Variants in XKR9 observed in about 807,000 individuals in gnomAD.
The protein encoded by XKR9 is XK-related protein 9.
A neutral mutation model predicts 32.0 loss-of-function variants in XKR9; 32 were observed. The ratio of observed to expected loss-of-function variants is 1.00; its 90% CI spans 0.76 to 1.34. XKR9 has a LOEUF of 1.34. Ranked by LOEUF, XKR9 falls within the 40% of genes most tolerant of loss-of-function variation. XKR9 has a pLI of 0.00. For synonymous variants in XKR9, 168 were observed against 143.4 expected, an observed-to-expected ratio of 1.17 and a Z score of -1.22; for missense variants, 546 against 429.7, an observed-to-expected ratio of 1.27 and a Z score of -2.39.
the XKR9 span, among the ~76,000 whole-genome samples, chr8:70,828,730 G>GAAAAAAAAAAAAAAAAAAAAAAA: frequency 3.3e-5 from 4 of 119,526 alleles, no homozygotes; most frequent in South Asian, 3.0e-4. Flanking sequence ...CAAAAAAAAA[G>GAAAAAAAAAAAAAAAAAAAAAAA]AAAAAAAAAA....
the XKR9 span, among the ~76,000 whole-genome samples, chr8:70,906,080 AC>A: frequency 6.6e-6 from 1 of 152,150 alleles, no homozygotes; most frequent in South Asian, 2.1e-4. Flanking sequence ...GGGGTCAGGG[AC>A]CCACTTGAGA....
chr8:70,777,345 C>G (rs1469938113), intron 2 of XKR9, among the ~76,000 whole-genome samples: 1 of 152,084 alleles, frequency 6.6e-6, no homozygotes, highest in African/African-American at 2.4e-5. Flanking sequence ...TTTTCTTTAT[C>G]CAGTCTATTA....
intron 2 of XKR9, among the ~76,000 whole-genome samples, chr8:70,750,193 T>C (rs1191103830): frequency 6.6e-6 from 1 of 152,230 alleles, no homozygotes; most frequent in Non-Finnish European, 1.5e-5. Flanking sequence ...TGGCAGTGTG[T>C]CTTGCTAACT....
chr8:71,026,305 A>T, the XKR9 span, among the ~76,000 whole-genome samples: 1 of 152,076 alleles, frequency 6.6e-6, no homozygotes, highest in African/African-American at 2.4e-5. Context: ...AAATTTATTG[A>T]TTATTTTTCT....
At chr8:71,018,278 T>C in the XKR9 span, among the ~76,000 whole-genome samples, 1 of 152,142 alleles carries the variant, frequency 6.6e-6, no homozygotes, top group African/African-American at 2.4e-5. Flanking sequence ...ATAATCTTTT[T>C]AAGATTACTA....
At chr8:70,760,582 A>G (rs1036847557) in intron 2 of XKR9, among the ~76,000 whole-genome samples, 1 of 152,094 alleles carries the variant, frequency 6.6e-6, no homozygotes, top group Non-Finnish European at 1.5e-5. Context: ...CTGCCACACA[A>G]CCTTCCCCTT....
chr8:71,054,849 A>C, the XKR9 span, among the ~76,000 whole-genome samples: 1 of 152,212 alleles, frequency 6.6e-6, no homozygotes, highest in Non-Finnish European at 1.5e-5. Flanking sequence ...TAAAGTTGAA[A>C]CATTTAGTTT....
the XKR9 span, among the ~76,000 whole-genome samples, chr8:70,904,020 T>C: frequency 0.68 from 102,665 of 151,718 alleles, 35,169 homozygotes; most frequent in Admixed American, 0.75. Context: ...GCATTTGCTG[T>C]GGAGTGCTTT....
the XKR9 span, among the ~76,000 whole-genome samples, chr8:70,956,533 C>T: frequency 6.6e-6 from 1 of 152,120 alleles, no homozygotes; most frequent in South Asian, 2.1e-4. Context: ...GGAGAGATTT[C>T]ACTGGGGACC....
the XKR9 span, among the ~76,000 whole-genome samples, chr8:70,813,766 T>C: frequency 6.6e-6 from 1 of 152,174 alleles, no homozygotes; most frequent in Non-Finnish European, 1.5e-5. Flanking sequence ...CCAGTTAGAA[T>C]GGCAATCATT....
chr8:70,822,317 G>T, the XKR9 span, among the ~76,000 whole-genome samples: 2 of 151,930 alleles, frequency 1.3e-5, no homozygotes, highest in Non-Finnish European at 2.9e-5. Context: ...AGCTTTAGGG[G>T]TTTAATTAGA....
chr8:70,940,766 T>C, the XKR9 span, among the ~76,000 whole-genome samples: 515 of 152,184 alleles, frequency 3.4e-3, 3 homozygotes, highest in Middle Eastern at 0.02. Flanking sequence ...AACATCTTCC[T>C]GGAATATATT....
At chr8:70,832,871 C>T in the XKR9 span, among the ~76,000 whole-genome samples, 1 of 152,028 alleles carries the variant, frequency 6.6e-6, no homozygotes. Flanking sequence ...GAATATAAGC[C>T]CCACGAGGAG....
chr8:70,755,551 C>T (rs1807209637), intron 2 of XKR9, among the ~76,000 whole-genome samples: 1 of 152,000 alleles, frequency 6.6e-6, no homozygotes, highest in Non-Finnish European at 1.5e-5. Context: ...AAATGTGACA[C>T]ATATACACCA....
chr8:70,748,776 A>G (rs960656231), intron 2 of XKR9, among the ~76,000 whole-genome samples: 3 of 152,134 alleles, frequency 2.0e-5, no homozygotes, highest in African/African-American at 7.2e-5. Flanking sequence ...ATGAGAATTT[A>G]TGGTGCTTTT....
At chr8:70,920,889 G>A in the XKR9 span, among the ~76,000 whole-genome samples, 1 of 152,046 alleles carries the variant, frequency 6.6e-6, no homozygotes, top group African/African-American at 2.4e-5. Flanking sequence ...AAGAATCATT[G>A]TTTCAGTAAC....
At chr8:70,857,507 T>C in the XKR9 span, among the ~76,000 whole-genome samples, 1 of 152,186 alleles carries the variant, frequency 6.6e-6, no homozygotes, top group Non-Finnish European at 1.5e-5. Context: ...CAAGACCTGA[T>C]GGATTCACAG....
At chr8:70,721,158 A>T (rs1220578766) in intron 4 of XKR9, among the ~76,000 whole-genome samples, 1 of 152,004 alleles carries the variant, frequency 6.6e-6, no homozygotes, top group African/African-American at 2.4e-5. Flanking sequence ...CCCCTTTATC[A>T]TTTTTTATTG....
At chr8:70,776,594 G>C (rs890649332) in intron 2 of XKR9, among the ~76,000 whole-genome samples, 6 of 151,964 alleles carry the variant, frequency 3.9e-5, no homozygotes, top group African/African-American at 1.4e-4. Flanking sequence ...CTGAGCTCCT[G>C]CAACTCCCTC....
Sources: allele counts gnomAD v4.1 joint callset (sites outside exome capture counted in the v4.1 genomes callset), GRCh38; gene constraint gnomAD v4.1.1; transcripts MANE v1.5; gene names NCBI Gene and HGNC (gene_info 2026-07-23, HGNC 2026-07-21).